NAALADL2: variants seen among roughly 807,000 people sequenced by gnomAD.
NAALADL2 encodes the protein inactive N-acetylated-alpha-linked acidic dipeptidase-like protein 2.
A neutral mutation model predicts 87.2 loss-of-function variants in NAALADL2; 76 were observed. The ratio of observed to expected loss-of-function variants is 0.87; its 90% CI spans 0.72 to 1.05. NAALADL2 has a LOEUF of 1.05. NAALADL2 is among the 50% of genes least tolerant of loss of function. The probability of loss-of-function intolerance (pLI) is 0.00; values close to 1 mark genes in which losing one functional copy is unlikely to be tolerated. For synonymous variants in NAALADL2, 354 were observed against 331.0 expected (o/e 1.07, Z -0.75); for missense variants, 1,089 against 945.8 (o/e 1.15, Z -1.99).
intron 11 of NAALADL2, among the ~76,000 whole-genome samples, chr3:175,724,371 A>G (rs1742654853): frequency 6.6e-6 from 1 of 152,166 alleles, no homozygotes. Flanking sequence ...CTGTTGGTGC[A>G]GCTTCTTATT....
At chr3:174,868,381 C>T (rs1249628597) in intron 1 of NAALADL2, among the ~76,000 whole-genome samples, 1 of 152,094 alleles carries the variant, frequency 6.6e-6, no homozygotes, top group African/African-American at 2.4e-5. Context: ...ATGCCCCTTA[C>T]TGGGTAATTG....
At chr3:175,475,938 G>C (rs1228952061) in intron 9 of NAALADL2, among the ~76,000 whole-genome samples, 1 of 152,074 alleles carries the variant, frequency 6.6e-6, no homozygotes, top group Non-Finnish European at 1.5e-5. Flanking sequence ...GCCCAGACTT[G>C]TCTCAAACTC....
At chr3:174,591,468 G>A (rs558408248) in intron 2 of NAALADL2, among the ~76,000 whole-genome samples, 32 of 152,162 alleles carry the variant, frequency 2.1e-4, no homozygotes, top group African/African-American at 4.8e-4. Context: ...CTATTGATGC[G>A]GGTAAAGGAA....
At chr3:174,547,053 A>G (rs185185737) in intron 1 of NAALADL2, among the ~76,000 whole-genome samples, 3 of 152,296 alleles carry the variant, frequency 2.0e-5, no homozygotes, top group Non-Finnish European at 4.4e-5. Flanking sequence ...AGAGTAAGGC[A>G]TTATATTATT....
rs533721656 is a variant in NAALADL2 at position 174,566,177 on chromosome 3, C to G, written c.-115+15540C>G. ...GGATCTTAGAACACTTGGATCTTAT[C>G]ACTCTTGTGACTTAATTTTTTAATT... On this transcript the variant is annotated intron_variant, in intron 2 of 3. Coordinates refer to the NAALADL2 transcript ENST00000434257. Among the ~76,000 whole-genome samples the G allele has an allele frequency of 7.9e-5, 12 of 151,998 alleles. No homozygotes were observed. In the East Asian group the frequency reaches 2.1e-3, roughly 27 times the overall value.
intron 1 of NAALADL2, among the ~76,000 whole-genome samples, chr3:174,905,285 G>A (rs1732831081): frequency 6.6e-6 from 1 of 151,734 alleles, no homozygotes; most frequent in Non-Finnish European, 1.5e-5. Context: ...ATTGTTCTGA[G>A]CTGCAGCACA....
At chr3:175,655,814 C>G (rs1306005006) in intron 11 of NAALADL2, among the ~76,000 whole-genome samples, 1 of 152,108 alleles carries the variant, frequency 6.6e-6, no homozygotes, top group African/African-American at 2.4e-5. Context: ...TCTATTCTCA[C>G]AGTATGGCAG....
chr3:175,561,653 T>C lies in NAALADL2; in HGVS notation c.1654-14388T>C, dbSNP rs576086668. On this transcript the variant is annotated intron_variant, in intron 9 of 13. Coordinates refer to ENST00000454872, the MANE Select transcript of NAALADL2 (RefSeq NM_207015.3). Reference sequence around the variant, plus strand: ...ATATAGAATTGGTCCATTATATCCATGGCTTCCACTTCTGTAGATCTTATA... The same window carrying C: ...ATATAGAATTGGTCCATTATATCCACGGCTTCCACTTCTGTAGATCTTATA... Among the ~76,000 whole-genome samples the C allele has an allele frequency of 2.6e-5, 4 of 152,336 alleles. No individual in the cohort carries two copies. In the East Asian group the frequency reaches 5.8e-4, roughly 22 times the overall value.
chr3:175,294,214 G>C (rs1215234979), intron 4 of NAALADL2, among the ~76,000 whole-genome samples: 1 of 152,136 alleles, frequency 6.6e-6, no homozygotes, highest in East Asian at 1.9e-4. Context: ...AAAACATAGT[G>C]AATTATTTGT....
At position 174,924,029 on chromosome 3, in the gene NAALADL2, T is replaced by C. The variant is rs190965228; in HGVS notation, c.43+64579T>C. Reference sequence around the variant, plus strand: ...AAAGAAGGAGAAAAACACATAATGGTATCTTACTTGTTCAGGAATGTTATA... The same window carrying C: ...AAAGAAGGAGAAAAACACATAATGGCATCTTACTTGTTCAGGAATGTTATA... On this transcript the variant is annotated intron_variant, in intron 1 of 13. Coordinates refer to ENST00000454872, the MANE Select transcript of NAALADL2 (RefSeq NM_207015.3). Among the ~76,000 whole-genome samples the C allele has an allele frequency of 7.2e-5, 11 of 152,266 alleles. No homozygotes were observed. The East Asian group carries it at 1.4e-3, about 19-fold the overall frequency.
intron 4 of NAALADL2, among the ~76,000 whole-genome samples, chr3:175,316,267 A>C (rs1324646578): frequency 1.3e-5 from 2 of 152,172 alleles, no homozygotes; most frequent in Non-Finnish European, 2.9e-5. Context: ...CAGTTCAAGT[A>C]AAAGGAGTAC....
At chr3:174,572,883 A>G (rs1229953644) in intron 2 of NAALADL2, among the ~76,000 whole-genome samples, 2 of 152,198 alleles carry the variant, frequency 1.3e-5, no homozygotes, top group Non-Finnish European at 2.9e-5. Flanking sequence ...TCTCATTTAA[A>G]TCTTTAAAAC....
intron 1 of NAALADL2, among the ~76,000 whole-genome samples, chr3:175,022,563 G>C (rs1372404717): frequency 6.6e-6 from 1 of 152,056 alleles, no homozygotes; most frequent in East Asian, 1.9e-4. Flanking sequence ...TATGAACCTT[G>C]CTGCTCCCTA....
chr3:175,026,915 G>T (rs1292626914), intron 1 of NAALADL2, among the ~76,000 whole-genome samples: 1 of 152,034 alleles, frequency 6.6e-6, no homozygotes, highest in African/African-American at 2.4e-5. Context: ...AAACATTTCT[G>T]CAGGCTGAAT....
intron 2 of NAALADL2, among the ~76,000 whole-genome samples, chr3:174,625,330 C>G (rs1221276862): frequency 6.6e-6 from 1 of 151,968 alleles, no homozygotes; most frequent in Non-Finnish European, 1.5e-5. Flanking sequence ...AGTGTTAGTA[C>G]TACAGCCATA....
At chr3:175,405,497 A>T (rs1443436948) in intron 5 of NAALADL2, among the ~76,000 whole-genome samples, 1 of 152,086 alleles carries the variant, frequency 6.6e-6, no homozygotes. Context: ...CAAATATGAA[A>T]TTTTCCATAA....
At chr3:175,496,632 G>A (rs577478310) in intron 9 of NAALADL2, among the ~76,000 whole-genome samples, 4 of 152,196 alleles carry the variant, frequency 2.6e-5, no homozygotes, top group Admixed American at 2.6e-4. Context: ...ACAGCTCACT[G>A]CAGCTTTGAC....
intron 2 of NAALADL2, among the ~76,000 whole-genome samples, chr3:174,638,810 T>G (rs1722901897): frequency 6.6e-6 from 1 of 152,214 alleles, no homozygotes; most frequent in Non-Finnish European, 1.5e-5. Flanking sequence ...TATTCATTCT[T>G]GAGAAAAATG....
chr3:174,872,701 G>T (rs1727985444), intron 1 of NAALADL2, among the ~76,000 whole-genome samples: 1 of 150,976 alleles, frequency 6.6e-6, no homozygotes, highest in African/African-American at 2.5e-5. Context: ...TGTGAAAAAG[G>T]AAAAACCAAT....
Sources: gnomAD v4.1 joint callset for allele counts (sites outside exome capture counted in the v4.1 genomes callset) on GRCh38, gnomAD v4.1.1 for gene constraint, MANE v1.5 for transcripts, NCBI Gene and HGNC (gene_info 2026-07-23, HGNC 2026-07-21) for gene names.